The following PDE3A variants were observed in gnomAD, a reference collection of about 807,000 sequenced individuals.
PDE3A encodes the protein cGMP-inhibited 3',5'-cyclic phosphodiesterase 3A.
PDE3A carries 43 observed loss-of-function variants against 98.3 expected under a neutral mutation model. The ratio of observed to expected loss-of-function variants is 0.44; its 90% CI spans 0.34 to 0.56. The LOEUF (loss-of-function observed/expected upper bound fraction) is 0.56, where lower values mean the gene tolerates loss of function less well. Ranked by LOEUF, PDE3A falls within the 20% of genes least tolerant of loss-of-function variation. PDE3A has a pLI of 0.01. For synonymous variants in PDE3A, 663 were observed against 567.9 expected (o/e 1.17, Z -2.38); for missense variants, 1,427 against 1,440.7 (o/e 0.99, Z 0.15).
intron 15 of PDE3A, among the ~76,000 whole-genome samples, chr12:20,673,616 C>T (rs202029071): frequency 5.3e-5 from 8 of 149,698 alleles, no homozygotes; most frequent in African/African-American, 1.2e-4. Context: ...AACCAAAGAC[C>T]GCATATTCTC....
chr12:20,607,002 G>GAAAT (rs1261581443), intron 2 of PDE3A, among the ~76,000 whole-genome samples: 2 of 152,018 alleles, frequency 1.3e-5, no homozygotes, highest in Non-Finnish European at 2.9e-5. Context: ...TATGATGAGT[G>GAAAT]AAATAACTTA....
intron 1 of PDE3A, among the ~76,000 whole-genome samples, chr12:20,416,267 A>G (rs1178259784): frequency 6.6e-6 from 1 of 152,220 alleles, no homozygotes; most frequent in African/African-American, 2.4e-5. Flanking sequence ...ACACCCTTGG[A>G]CTTAAAGATC....
chr12:20,551,543 T>C, intron 1 of PDE3A: 2 of 1,328,934 alleles, frequency 1.5e-6, no homozygotes, highest in South Asian at 1.3e-5. Flanking sequence ...GACTCTGGCA[T>C]GCTAACTAGT....
At chr12:20,616,099 GATA>G in intron 3 of PDE3A, 128 bp from the exon 4 acceptor site, 3 of 708,784 alleles carry the variant, frequency 4.2e-6, no homozygotes, top group Non-Finnish European at 6.6e-6. Flanking sequence ...ATTTTAGATA[GATA>G]GGTGATATTA....
chr12:20,460,049 C>G (rs1343612642), intron 1 of PDE3A, among the ~76,000 whole-genome samples: 1 of 152,190 alleles, frequency 6.6e-6, no homozygotes, highest in Non-Finnish European at 1.5e-5. Flanking sequence ...GTGAAACTCT[C>G]AGGCTGGATA....
chr12:20,432,609 T>C (rs1944716263), intron 1 of PDE3A, among the ~76,000 whole-genome samples: 2 of 152,180 alleles, frequency 1.3e-5, no homozygotes, highest in African/African-American at 4.8e-5. Context: ...ATGTCGATCA[T>C]ACCTTAATAA....
At chr12:20,557,631 T>A (rs985475558) in intron 2 of PDE3A, among the ~76,000 whole-genome samples, 3 of 152,242 alleles carry the variant, frequency 2.0e-5, no homozygotes, top group African/African-American at 7.2e-5. Context: ...GATTTGTTCT[T>A]GTGTTGTCAT....
At chr12:20,466,529 C>A (rs1409660723) in intron 1 of PDE3A, among the ~76,000 whole-genome samples, 1 of 152,056 alleles carries the variant, frequency 6.6e-6, no homozygotes, top group South Asian at 2.1e-4. Flanking sequence ...AGTAATACTT[C>A]GAATGTGAAT....
chr12:20,497,765 A>T (rs1945946313), intron 1 of PDE3A, among the ~76,000 whole-genome samples: 2 of 152,214 alleles, frequency 1.3e-5, no homozygotes, highest in South Asian at 4.1e-4. Context: ...GGTATTTCCA[A>T]TTAGAGACTC....
rs185442111 is a variant in PDE3A, at chr12:20,685,323, C to T, written c.*5052C>T. ...GCTACCCAGGAGGCTGAGGCAGAATCGCTTGAACCTGGGAGGCAGAGGTTA... is the reference window on the plus strand; with the variant it reads ...GCTACCCAGGAGGCTGAGGCAGAATTGCTTGAACCTGGGAGGCAGAGGTTA... On this transcript the variant is annotated 3_prime_UTR_variant, in exon 16 of 16. Transcript: ENST00000359062. Among the ~76,000 whole-genome samples the T allele has an allele frequency of 4.2e-4, 61 of 145,464 alleles. No homozygotes were observed. The highest frequency in any genetic ancestry group is 1.4e-3 in the African/African-American group (56 of 38,702).
chr12:20,494,886 A>C (rs75219601), intron 1 of PDE3A, among the ~76,000 whole-genome samples: 15 of 151,002 alleles, frequency 9.9e-5, no homozygotes, highest in African/African-American at 3.2e-4. Flanking sequence ...AAAAAAAAAA[A>C]ATACATAAAT....
At position 20,552,176 on chromosome 12, in the gene PDE3A, T is replaced by C; in HGVS notation, c.961-4484T>C. ...CTGGCTCTCAACTGCTTTGCTCCCA[T>C]CAATGACCAAGAAGGGGCCGAGGCC... On this transcript the variant is annotated intron_variant, in intron 1 of 15. Transcript: ENST00000359062. This position sits in a 1 kb window ranked among gnomAD's most constrained non-coding sequence, Gnocchi z 5.1. 6.2e-7 allele frequency: 1 copy of C among 1,613,698 alleles called. No homozygotes were observed. Among genetic ancestry groups the C allele is most frequent in the Non-Finnish European group, 8.5e-7 (1 of 1,179,876 alleles).
chr12:20,590,917 C>T (rs1337859569), intron 2 of PDE3A, among the ~76,000 whole-genome samples: 1 of 152,170 alleles, frequency 6.6e-6, no homozygotes, highest in Non-Finnish European at 1.5e-5. Flanking sequence ...ATGATAATAG[C>T]ATTGTCCCAC....
chr12:20,517,829 G>A (rs749804949), intron 1 of PDE3A, among the ~76,000 whole-genome samples: 3 of 152,026 alleles, frequency 2.0e-5, no homozygotes, highest in East Asian at 1.9e-4. Flanking sequence ...CCAATCTCTC[G>A]CTAACTTGAC....
At chr12:20,661,654 CG>C (rs1195785807) in intron 15 of PDE3A, among the ~76,000 whole-genome samples, 2 of 152,154 alleles carry the variant, frequency 1.3e-5, no homozygotes, top group East Asian at 3.9e-4. Flanking sequence ...AGAGGGTGGA[CG>C]CCTCAAGCCT....
intron 1 of PDE3A, among the ~76,000 whole-genome samples, chr12:20,540,941 A>G (rs1340382233): frequency 6.6e-6 from 1 of 151,924 alleles, no homozygotes; most frequent in Non-Finnish European, 1.5e-5. Context: ...TATTTTTTAA[A>G]TCATATACTT....
chr12:20,542,856 T>G (rs1001598399), intron 1 of PDE3A, among the ~76,000 whole-genome samples: 1 of 152,062 alleles, frequency 6.6e-6, no homozygotes, highest in Non-Finnish European at 1.5e-5. Flanking sequence ...CTTGAATGTG[T>G]CTTTTCACGG....
chr12:20,373,676 G>A (rs1943520232), intron 1 of PDE3A, among the ~76,000 whole-genome samples: 1 of 151,996 alleles, frequency 6.6e-6, no homozygotes, highest in East Asian at 1.9e-4. Context: ...AAATACAAAG[G>A]CATATGACTG....
Position 20,613,470 on chromosome 12 carries a change from A to T in PDE3A, c.1039A>T (p.Ile347Phe). 6.2e-7 allele frequency: 1 copy of T among 1,614,104 alleles called. No individual in the cohort carries two copies. The highest frequency in any genetic ancestry group is 8.5e-7 in the Non-Finnish European group (1 of 1,179,922). Residue 347 changes from isoleucine to phenylalanine, a missense_variant, in exon 3 of 16, where the codon ATC (isoleucine) becomes TTC (phenylalanine). Around this residue, in one of 3 missense-constraint regions of PDE3A, gnomAD observed 1,012 missense variants for 886.5 expected, o/e 1.14. Transcript: ENST00000359062. ...TTCAGGAACCAGTATTACTGTGGAC[A>T]TCGCCGTCATGGGCGAGGCCCACGG... ...QSSGTSITVD[I>F]AVMGEAHGLI...
Sources: gnomAD v4.1 joint callset for allele counts (sites outside exome capture counted in the v4.1 genomes callset) on GRCh38, gnomAD v4.1.1 for gene constraint, gnomAD v4.1.1 regional missense constraint, Gnocchi (gnomAD v3.1) non-coding constraint, MANE v1.5 for transcripts, NCBI Gene and HGNC (gene_info 2026-07-23, HGNC 2026-07-21) for gene names.